The following CACNA2D3 variants were observed in gnomAD, a reference collection of about 807,000 sequenced individuals.
The protein encoded by CACNA2D3 is calcium voltage-gated channel auxiliary subunit alpha2delta 3.
In CACNA2D3, 60 loss-of-function variants were observed where a neutral mutation model predicts 160.6. The observed-to-expected ratio is 0.37, with a 90% CI of 0.30 to 0.46. CACNA2D3 has a LOEUF of 0.46. Ranked by LOEUF, CACNA2D3 falls within the 20% of genes least tolerant of loss-of-function variation. The pLI, the probability that CACNA2D3 is intolerant of heterozygous loss-of-function variation, is 1.00. For missense variants in CACNA2D3, 1,205 were observed against 1,365.0 expected (o/e 0.88, Z 1.85); for synonymous variants, 558 against 492.9 (o/e 1.13, Z -1.75).
intron 12 of CACNA2D3, among the ~76,000 whole-genome samples, chr3:54,763,737 G>GTATGTGCATATATATACACA (rs1702139073): frequency 4.3e-5 from 4 of 93,338 alleles, no homozygotes. Flanking sequence ...ATATATATGT[G>GTATGTGCATATATATACACA]TATATATGTG....
At chr3:55,006,118 C>T (rs886519121) in intron 32 of CACNA2D3, among the ~76,000 whole-genome samples, 2 of 152,190 alleles carry the variant, frequency 1.3e-5, no homozygotes, top group African/African-American at 2.4e-5. Context: ...CTCCCCTAAC[C>T]TTAGCATGAA....
chr3:54,963,926 T>C (rs1346054821), intron 27 of CACNA2D3, among the ~76,000 whole-genome samples: 2 of 152,190 alleles, frequency 1.3e-5, no homozygotes, highest in African/African-American at 4.8e-5. Flanking sequence ...AGATACTTTG[T>C]TGAAGTTTCG....
At chr3:54,896,981 C>A in intron 26 of CACNA2D3, 111 bp downstream of exon 26, 1 of 1,397,448 alleles carries the variant, frequency 7.2e-7, no homozygotes, top group Non-Finnish European at 1.0e-6. Context: ...AAGTTCAACC[C>A]TCAGAGCCAG....
Position 55,073,809 on chromosome 3 carries a change from G to T in CACNA2D3, c.3133G>T (p.Ala1045Ser). Residue 1045 changes from alanine (A) to serine (S), a missense_variant, in exon 37 of 38, where the codon GCC (alanine) becomes TCC (serine). This residue lies in a region of CACNA2D3 where 911 missense variants were observed against 1,002.2 expected (regional missense o/e 0.91). Transcript: ENST00000474759. Reference sequence around the variant, plus strand: ...ATCCCTTAAGTGTGAACGTCTAAAGGCCCAGAAGATCAGAAGGCGCCCAGA... The same window carrying T: ...ATCCCTTAAGTGTGAACGTCTAAAGTCCCAGAAGATCAGAAGGCGCCCAGA... ...NESLKCERLK[A>S]QKIRRRPESC... The T allele has an allele frequency of 5.6e-6, 9 of 1,613,722 alleles. No individual in the cohort carries two copies. The highest frequency in any genetic ancestry group is 7.6e-6 in the Non-Finnish European group (9 of 1,179,754).
At chr3:54,767,392 A>G (rs1231796310) in intron 13 of CACNA2D3, among the ~76,000 whole-genome samples, 1 of 152,186 alleles carries the variant, frequency 6.6e-6, no homozygotes, top group Admixed American at 6.5e-5. Context: ...ATTTGGTGTC[A>G]TTTGTGGTAA....
chr3:54,159,439 C>T (rs982465990), intron 2 of CACNA2D3, among the ~76,000 whole-genome samples: 4 of 151,914 alleles, frequency 2.6e-5, no homozygotes, highest in African/African-American at 9.7e-5. Context: ...ATAAGTGATG[C>T]AGTTTAAGGA....
intron 34 of CACNA2D3, among the ~76,000 whole-genome samples, chr3:55,009,921 G>C (rs1030852829): frequency 6.6e-6 from 1 of 152,140 alleles, no homozygotes; most frequent in Non-Finnish European, 1.5e-5. Flanking sequence ...TGGAGGCATG[G>C]GTTGTGGAGT....
At chr3:54,569,326 C>G (rs1413226180) in intron 6 of CACNA2D3, among the ~76,000 whole-genome samples, 1 of 152,086 alleles carries the variant, frequency 6.6e-6, no homozygotes, top group African/African-American at 2.4e-5. Flanking sequence ...GGGAACAGAC[C>G]CGTGTATATC....
intron 14 of CACNA2D3, among the ~76,000 whole-genome samples, chr3:54,824,733 A>G (rs1413113317): frequency 6.6e-6 from 1 of 152,176 alleles, no homozygotes; most frequent in Non-Finnish European, 1.5e-5. Context: ...CTGAGAGTAC[A>G]GGAGCAGCAC....
At chr3:54,735,693 G>A (rs1202333650) in intron 11 of CACNA2D3, among the ~76,000 whole-genome samples, 2 of 151,812 alleles carry the variant, frequency 1.3e-5, no homozygotes, top group Admixed American at 6.6e-5. Context: ...TTGCTACCTG[G>A]ATATCATCTA....
intron 5 of CACNA2D3, among the ~76,000 whole-genome samples, chr3:54,531,733 A>G (rs1265526306): frequency 6.6e-6 from 1 of 152,236 alleles, no homozygotes; most frequent in Non-Finnish European, 1.5e-5. Flanking sequence ...AGAAACTTGA[A>G]TTGCTTGGGT....
At chr3:54,518,714 G>T (rs1197944535) in intron 5 of CACNA2D3, among the ~76,000 whole-genome samples, 1 of 152,100 alleles carries the variant, frequency 6.6e-6, no homozygotes, top group Non-Finnish European at 1.5e-5. Context: ...ATGAGAAGTT[G>T]TTTCAACTGT....
intron 11 of CACNA2D3, among the ~76,000 whole-genome samples, chr3:54,717,807 C>T (rs1355374093): frequency 1.1e-4 from 10 of 93,880 alleles, no homozygotes; most frequent in East Asian, 6.4e-4. Flanking sequence ...TGCGTGTGTG[C>T]GCATGTTTGC....
chr3:54,425,513 T>C (rs140462784), intron 4 of CACNA2D3, among the ~76,000 whole-genome samples: 30 of 152,374 alleles, frequency 2.0e-4, no homozygotes, highest in African/African-American at 7.0e-4. Context: ...CTTCCCACTC[T>C]GCTGTTCATC....
At chr3:54,955,523 A>C (rs1477683094) in intron 27 of CACNA2D3, among the ~76,000 whole-genome samples, 1 of 152,190 alleles carries the variant, frequency 6.6e-6, no homozygotes, top group African/African-American at 2.4e-5. Flanking sequence ...CCCTCCCTGC[A>C]CTTAGGATAA....
chr3:54,801,557 T>C (rs541178418), intron 13 of CACNA2D3, among the ~76,000 whole-genome samples: 1 of 152,338 alleles, frequency 6.6e-6, no homozygotes, highest in South Asian at 2.1e-4. Context: ...AGTAACTTAT[T>C]ACATATTCAA....
chr3:54,215,928 C>A (rs1380555225), intron 2 of CACNA2D3, among the ~76,000 whole-genome samples: 1 of 151,214 alleles, frequency 6.6e-6, no homozygotes, highest in African/African-American at 2.4e-5. Flanking sequence ...TCTTATGGAA[C>A]GATCGTGATT....
At chr3:54,924,968 G>A in intron 27 of CACNA2D3, 1 of 1,611,160 alleles carries the variant, frequency 6.2e-7, no homozygotes, top group South Asian at 1.1e-5. Context: ...GATTTGAAAG[G>A]GAATTGTTGG....
chr3:54,193,260 A>G (rs1301236974), intron 2 of CACNA2D3, among the ~76,000 whole-genome samples: 1 of 152,068 alleles, frequency 6.6e-6, no homozygotes, highest in African/African-American at 2.4e-5. Flanking sequence ...TGGCTGTGGG[A>G]TGATTGAGGC....
Sources: gnomAD v4.1 joint callset for allele counts (sites outside exome capture counted in the v4.1 genomes callset) on GRCh38, gnomAD v4.1.1 for gene constraint, gnomAD v4.1.1 regional missense constraint, MANE v1.5 for transcripts, NCBI Gene and HGNC (gene_info 2026-07-23, HGNC 2026-07-21) for gene names.